Variants in LRRTM4 observed in about 807,000 individuals in gnomAD.
The protein encoded by LRRTM4 is leucine rich repeat transmembrane neuronal 4.
In LRRTM4, 25 loss-of-function variants were observed where a neutral mutation model predicts 47.6. The ratio of observed to expected loss-of-function variants is 0.53; its 90% CI spans 0.38 to 0.73. The LOEUF is 0.73. Ranked by LOEUF, LRRTM4 falls within the 30% of genes least tolerant of loss-of-function variation. LRRTM4 has a pLI of 0.00. For missense variants in LRRTM4, 638 were observed against 713.4 expected (o/e 0.89, Z 1.20); for synonymous variants, 311 against 269.5 (o/e 1.15, Z -1.51).
At chr2:76,808,649 A>T (rs1670634922) in intron 3 of LRRTM4, among the ~76,000 whole-genome samples, 1 of 152,186 alleles carries the variant, frequency 6.6e-6, no homozygotes, top group Non-Finnish European at 1.5e-5. Flanking sequence ...TAAAGGTAAA[A>T]ACCAGTATTC....
intron 3 of LRRTM4, among the ~76,000 whole-genome samples, chr2:77,464,742 G>T (rs13031002): frequency 1.3e-5 from 2 of 151,808 alleles, no homozygotes; most frequent in Non-Finnish European, 2.9e-5. Context: ...GATTGCCTCT[G>T]AAAATGTAGC....
chr2:77,129,381 T>C (rs973614239), intron 3 of LRRTM4, among the ~76,000 whole-genome samples: 4 of 152,188 alleles, frequency 2.6e-5, no homozygotes, highest in Non-Finnish European at 5.9e-5. Flanking sequence ...CACAGAGTCT[T>C]CCTCCAAAAA....
chr2:77,518,862 G>A lies in LRRTM4; in HGVS notation c.1007C>T (p.Thr336Ile), dbSNP rs1392995628. 1 of 1,606,762 alleles carries A rather than the reference G, an allele frequency of 6.2e-7. No homozygotes were observed. The highest frequency in any genetic ancestry group is 8.5e-7 in the Non-Finnish European group (1 of 1,176,102). Residue 336 changes from threonine to isoleucine, a missense_variant, in exon 3 of 4, where the codon ACC becomes ATC. Physicochemically the swap from Thr to Ile is moderately conservative, Grantham distance 89. Coordinates refer to ENST00000409884, the MANE Select transcript of LRRTM4 (RefSeq NM_001134745.3). ...LKNFKGNKES[T>I]MICAGPKHIQ... ...GTGCTTAGGTCCCGCACATATCATG[G>A]TGCTTTCCTTATTTCCTTTGAAATT...
At chr2:77,399,185 T>C (rs1312735394) in intron 3 of LRRTM4, among the ~76,000 whole-genome samples, 1 of 150,744 alleles carries the variant, frequency 6.6e-6, no homozygotes. Context: ...TTTTTTAATT[T>C]TAAAAAATAT....
chr2:76,873,602 T>C lies in LRRTM4; in HGVS notation c.1552-124686A>G, dbSNP rs1672700611. On this transcript the variant is annotated intron_variant, in intron 3 of 3. Transcript: ENST00000409884. ...TCCTCTGAGCAATTATTGATTTTTT[T>C]GACATTTATGCAGGTAATCAGATTA... Among the ~76,000 whole-genome samples, 5 of 150,228 alleles carry C rather than the reference T, an allele frequency of 3.3e-5. No individual in the cohort carries two copies. The South Asian group carries it at 1.0e-3, about 31-fold the overall frequency.
At chr2:77,382,768 A>G (rs1673111919) in intron 3 of LRRTM4, among the ~76,000 whole-genome samples, 1 of 152,118 alleles carries the variant, frequency 6.6e-6, no homozygotes, top group Non-Finnish European at 1.5e-5. Flanking sequence ...TTAAAAACTG[A>G]AGGAAATATT....
intron 3 of LRRTM4, among the ~76,000 whole-genome samples, chr2:77,395,275 T>C (rs1040604004): frequency 1.3e-5 from 2 of 151,960 alleles, no homozygotes; most frequent in Non-Finnish European, 2.9e-5. Flanking sequence ...TGTGGTCTCC[T>C]TAGCCAAAAG....
At chr2:77,306,246 T>C (rs1365719772) in intron 3 of LRRTM4, among the ~76,000 whole-genome samples, 2 of 152,208 alleles carry the variant, frequency 1.3e-5, no homozygotes, top group African/African-American at 4.8e-5. Context: ...CTTTGTGATA[T>C]ATAAGAAACC....
chr2:76,888,998 T>A (rs1673167623), intron 3 of LRRTM4, among the ~76,000 whole-genome samples: 2 of 151,944 alleles, frequency 1.3e-5, no homozygotes, highest in Admixed American at 1.3e-4. Flanking sequence ...GTAGCCTATG[T>A]ACTTAAACAT....
intron 3 of LRRTM4, among the ~76,000 whole-genome samples, chr2:77,309,651 G>T (rs184013680): frequency 2.0e-4 from 31 of 151,510 alleles, no homozygotes; most frequent in Middle Eastern, 3.4e-3. Flanking sequence ...AGAATCCTTA[G>T]CAGGCCAGAA....
chr2:77,290,733 C>A (rs1676800965), intron 3 of LRRTM4, among the ~76,000 whole-genome samples: 1 of 151,946 alleles, frequency 6.6e-6, no homozygotes. Context: ...CTAGGATTAG[C>A]CTCTAAATTC....
intron 3 of LRRTM4, among the ~76,000 whole-genome samples, chr2:76,832,792 T>G (rs1163459767): frequency 7.9e-5 from 12 of 151,996 alleles, no homozygotes; most frequent in Non-Finnish European, 1.8e-4. Context: ...ACTATAAGTT[T>G]ATAGATATGA....
intron 3 of LRRTM4, among the ~76,000 whole-genome samples, chr2:77,515,774 A>C (rs766306155): frequency 6.6e-6 from 1 of 151,846 alleles, no homozygotes; most frequent in Non-Finnish European, 1.5e-5. Context: ...TCTTGGCTCT[A>C]TTTTGTAGAG....
At chr2:77,339,956 A>G (rs1290965949) in intron 3 of LRRTM4, among the ~76,000 whole-genome samples, 1 of 151,976 alleles carries the variant, frequency 6.6e-6, no homozygotes, top group Non-Finnish European at 1.5e-5. Context: ...AGAGGACAAA[A>G]CTTAAAGGCT....
At chr2:77,307,433 G>A (rs931878723) in intron 3 of LRRTM4, among the ~76,000 whole-genome samples, 3 of 149,470 alleles carry the variant, frequency 2.0e-5, no homozygotes, top group African/African-American at 7.3e-5. Flanking sequence ...TAATGTTTAG[G>A]ATTTGTGCTT....
intron 3 of LRRTM4, among the ~76,000 whole-genome samples, chr2:77,457,012 A>G (rs1268575741): frequency 7.5e-4 from 6 of 8,036 alleles, no homozygotes; most frequent in Non-Finnish European, 1.1e-3. Context: ...GTGTATATAT[A>G]TATATATATA....
chr2:76,915,032 G>T (rs1674196505), intron 3 of LRRTM4, among the ~76,000 whole-genome samples: 1 of 152,200 alleles, frequency 6.6e-6, no homozygotes, highest in African/African-American at 2.4e-5. Flanking sequence ...GGCAAAGAGT[G>T]CCATTCAAGC....
intron 3 of LRRTM4, among the ~76,000 whole-genome samples, chr2:76,977,106 C>A (rs1676448413): frequency 6.6e-6 from 1 of 151,598 alleles, no homozygotes; most frequent in South Asian, 2.1e-4. Flanking sequence ...GAGCTAGCAA[C>A]CTGGCCTCTT....
intron 3 of LRRTM4, chr2:77,516,761 T>C (rs1370158173): frequency 1.0e-6 from 1 of 970,880 alleles, no homozygotes; most frequent in Non-Finnish European, 1.2e-6. Flanking sequence ...TCTCTTATTT[T>C]CAATGATACA....
Sources: allele counts gnomAD v4.1 joint callset (sites outside exome capture counted in the v4.1 genomes callset), GRCh38; gene constraint gnomAD v4.1.1; transcripts MANE v1.5; gene names NCBI Gene and HGNC (gene_info 2026-07-23, HGNC 2026-07-21).